FOXP2: variants seen among roughly 807,000 people sequenced by gnomAD.
The protein encoded by FOXP2 is forkhead box P2.
A neutral mutation model predicts 115.8 loss-of-function variants in FOXP2; 12 were observed. The observed-to-expected ratio is 0.10, with a 90% CI of 0.07 to 0.17. The LOEUF is 0.17. Ranked by LOEUF, FOXP2 falls within the 10% of genes least tolerant of loss-of-function variation. FOXP2 has a pLI of 1.00. For synonymous variants in FOXP2, 328 were observed against 297.7 expected (o/e 1.10, Z -1.05); for missense variants, 629 against 843.5 (o/e 0.75, Z 3.15).
chr7:114,331,072 T>C (rs1797697362), intron 2 of FOXP2, among the ~76,000 whole-genome samples: 1 of 152,246 alleles, frequency 6.6e-6, no homozygotes, highest in Non-Finnish European at 1.5e-5. Context: ...TTCTTTATTA[T>C]ATCTTTATTA....
chr7:114,401,446 C>G (rs1792885317), intron 2 of FOXP2, among the ~76,000 whole-genome samples: 1 of 152,096 alleles, frequency 6.6e-6, no homozygotes, highest in South Asian at 2.1e-4. Context: ...TCCTTCACTC[C>G]CCTCATCACT....
At chr7:114,241,365 T>G (rs1180393734) in intron 1 of FOXP2, among the ~76,000 whole-genome samples, 2 of 152,118 alleles carry the variant, frequency 1.3e-5, no homozygotes, top group Non-Finnish European at 2.9e-5. Context: ...AATAATAATT[T>G]CTGCCTTCAA....
rs777148956 is a variant in FOXP2 at position 114,642,392 on chromosome 7, C to A, written c.776-18C>A. On this transcript the variant is annotated intron_variant, in intron 6 of 16. Coordinates refer to ENST00000350908, the MANE Select transcript of FOXP2 (RefSeq NM_014491.4). ...CCTTTACCTTGTTATGCTAGTGAAG[C>A]TTTCTTTCATTTTATAGCTGGCTTA... The A allele has an allele frequency of 1.4e-5, 23 of 1,607,144 alleles. No individual in the cohort carries two copies. Among genetic ancestry groups the A allele is most frequent in the Non-Finnish European group, 1.7e-5 (20 of 1,174,372 alleles).
intron 1 of FOXP2, among the ~76,000 whole-genome samples, chr7:114,114,288 A>AAT (rs1209477640): frequency 2.5e-4 from 37 of 150,842 alleles, no homozygotes; most frequent in South Asian, 1.5e-3. Context: ...CATATATATA[A>AAT]ATATATATAT....
At chr7:114,595,291 A>T (rs1333006013) in intron 3 of FOXP2, among the ~76,000 whole-genome samples, 1 of 151,982 alleles carries the variant, frequency 6.6e-6, no homozygotes, top group African/African-American at 2.4e-5. Context: ...ACATATCTAC[A>T]TTAATTTTCC....
chr7:114,299,598 C>T (rs1308157280), intron 2 of FOXP2, among the ~76,000 whole-genome samples: 2 of 151,798 alleles, frequency 1.3e-5, no homozygotes, highest in Non-Finnish European at 2.9e-5. Context: ...GCCCTTTCTA[C>T]CTCTTGATCA....
At chr7:114,541,572 G>A (rs1055560864) in intron 3 of FOXP2, among the ~76,000 whole-genome samples, 6 of 151,954 alleles carry the variant, frequency 3.9e-5, no homozygotes, top group African/African-American at 1.4e-4. Context: ...CTTAGGATCT[G>A]CAGTAGTAAT....
At chr7:114,109,175 T>C (rs116134824) in intron 1 of FOXP2, among the ~76,000 whole-genome samples, 19 of 150,992 alleles carry the variant, frequency 1.3e-4, no homozygotes, top group African/African-American at 4.7e-4. Context: ...ACATGGTCAA[T>C]GTTTTGTTGT....
intron 1 of FOXP2, among the ~76,000 whole-genome samples, chr7:114,173,716 T>C (rs1248974990): frequency 1.3e-5 from 2 of 151,988 alleles, no homozygotes; most frequent in African/African-American, 4.8e-5. Flanking sequence ...CATATTCAAC[T>C]AAGAATTATC....
chr7:114,201,246 G>A (rs1246675021), intron 1 of FOXP2, among the ~76,000 whole-genome samples: 1 of 152,118 alleles, frequency 6.6e-6, no homozygotes, highest in East Asian at 1.9e-4. Flanking sequence ...CAACATAAGA[G>A]GATCTCTTGA....
chr7:114,396,707 T>A (rs1014482309), intron 2 of FOXP2, among the ~76,000 whole-genome samples: 5 of 151,752 alleles, frequency 3.3e-5, no homozygotes, highest in African/African-American at 1.2e-4. Context: ...GAGATGTTGA[T>A]CAAAGAATAC....
At chr7:114,176,852 A>G (rs1299461288) in intron 1 of FOXP2, among the ~76,000 whole-genome samples, 2 of 152,058 alleles carry the variant, frequency 1.3e-5, no homozygotes, top group African/African-American at 2.4e-5. Context: ...CCTTTTAGTT[A>G]CTATCTTCCA....
intron 1 of FOXP2, among the ~76,000 whole-genome samples, chr7:114,228,800 A>G (rs1325537814): frequency 6.6e-6 from 1 of 151,704 alleles, no homozygotes; most frequent in Non-Finnish European, 1.5e-5. Flanking sequence ...CTACAAAAAA[A>G]TCAATGAAAC....
intron 7 of FOXP2, 128 bp from the exon 8 acceptor site, chr7:114,644,557 C>T (rs1209870426): frequency 2.3e-5 from 17 of 733,864 alleles, no homozygotes; most frequent in Non-Finnish European, 3.4e-5. Context: ...TTAAATTTTT[C>T]TGACTGCTCT....
At position 114,508,515 on chromosome 7, in the gene FOXP2, G is replaced by A. The variant is rs73436163; in HGVS notation, c.169-26102G>A. Among the ~76,000 whole-genome samples the A allele has an allele frequency of 8.6e-3, 1,306 of 152,128 alleles. 15 individuals carry two copies. Among genetic ancestry groups the A allele is most frequent in the African/African-American group, 0.03 (1,246 of 41,534 alleles). ...GGCCTAGCTGGAGCACAGGATGCCTGTACAGAAGGAGAGCCCTTATAGAAC... is the reference window on the plus strand; with the variant it reads ...GGCCTAGCTGGAGCACAGGATGCCTATACAGAAGGAGAGCCCTTATAGAAC... On this transcript the variant is annotated intron_variant, in intron 2 of 16. Transcript: ENST00000350908.
intron 2 of FOXP2, among the ~76,000 whole-genome samples, chr7:114,336,887 T>G (rs928521139): frequency 6.6e-6 from 1 of 151,534 alleles, no homozygotes; most frequent in Non-Finnish European, 1.5e-5. Flanking sequence ...CCAGTGTTAC[T>G]TTTCAGGACA....
rs1190124247 is a variant in FOXP2 at position 114,587,880 on chromosome 7, A to ATATATATATATATATATATATAT, written c.259-40660_259-40659insTATATATATATATATATATATAT. 7.2e-4 allele frequency among the ~76,000 whole-genome samples: 44 copies of ATATATATATATATATATATATAT among 61,528 alleles called. 4 individuals carry two copies. The highest frequency in any genetic ancestry group is 6.1e-3 in the East Asian group (6 of 982). The allele number at this position is 61,528 out of a possible 152,430, so 40.4% of individuals were successfully genotyped here. A position where few individuals can be genotyped will look rare whatever the true frequency, so the allele number is the denominator to read the frequency against. On this transcript the variant is annotated intron_variant, in intron 3 of 16. Transcript: ENST00000350908. ...TAATTGGGTGAATAAGAGATAATTA[A>ATATATATATATATATATATATAT]ATCCACCTTTCTTAGTGCCTTATTA... is the stretch of plus-strand genomic sequence containing the variant.
chr7:114,293,233 T>G (rs1796653377), intron 2 of FOXP2, among the ~76,000 whole-genome samples: 1 of 152,168 alleles, frequency 6.6e-6, no homozygotes, highest in African/African-American at 2.4e-5. Flanking sequence ...ATGCATGATA[T>G]TAAGACATAT....
chr7:114,130,250 G>T (rs762294050), intron 1 of FOXP2, among the ~76,000 whole-genome samples: 2 of 152,172 alleles, frequency 1.3e-5, no homozygotes, highest in Admixed American at 6.5e-5. Flanking sequence ...TTGAGCCTGG[G>T]AGGCAGAGGT....
Sources: allele counts gnomAD v4.1 joint callset (sites outside exome capture counted in the v4.1 genomes callset), GRCh38; gene constraint gnomAD v4.1.1; transcripts MANE v1.5; gene names NCBI Gene and HGNC (gene_info 2026-07-23, HGNC 2026-07-21).